The following ASCC1 variants were observed in gnomAD, a reference collection of about 807,000 sequenced individuals.
ASCC1 encodes the protein ASC-1 complex subunit P50.
In ASCC1, 35 loss-of-function variants were observed where a neutral mutation model predicts 46.6. The observed-to-expected ratio is 0.75, with a 90% CI of 0.57 to 0.99. The LOEUF is 0.99. Among genes scored for constraint, ASCC1 ranks in the 50% least tolerant of loss-of-function variants. The pLI is 0.00. For synonymous variants in ASCC1, 143 were observed against 146.6 expected (o/e 0.98, Z 0.18); for missense variants, 376 against 428.7 (o/e 0.88, Z 1.09).
chr10:72,102,512 T>A, intron 9 of ASCC1: 1 of 934,388 alleles, frequency 1.1e-6, no homozygotes. Context: ...GAAATGAACC[T>A]TTTTTGTCTA....
intron 8 of ASCC1, among the ~76,000 whole-genome samples, chr10:72,128,457 T>G (rs1244382280): frequency 6.6e-6 from 1 of 152,242 alleles, no homozygotes; most frequent in Non-Finnish European, 1.5e-5. Context: ...AGGCAAATTA[T>G]GTCTCCATTG....
intron 9 of ASCC1, among the ~76,000 whole-genome samples, chr10:72,120,602 A>C (rs1248598499): frequency 6.6e-6 from 1 of 152,014 alleles, no homozygotes; most frequent in Non-Finnish European, 1.5e-5. Context: ...CAAAAAAAAA[A>C]AAAAAATTGT....
rs1564775445 is a variant in ASCC1 at position 72,213,234 on chromosome 10, T to C, written c.65A>G (p.Gln22Arg). ...TTCTTCATGTTGATAGGTCTGTTCT[T>C]GGACTGGATTCTTCCTGTAATTCCG... ...DGRNYRKNPVQEQTYQHEEDE... is the reference protein window; with the variant it reads ...DGRNYRKNPVREQTYQHEEDE... Residue 22 changes from glutamine (Q) to arginine (R), a missense_variant, in exon 2 of 10, where the codon CAA becomes CGA. Gln to Arg is a conservative substitution (Grantham distance 43). Coordinates refer to ENST00000672957, the MANE Select transcript of ASCC1 (RefSeq NM_001198800.3). 1.2e-6 allele frequency: 2 copies of C among 1,613,938 alleles called. No individual in the cohort carries two copies. Among genetic ancestry groups the C allele is most frequent in the Admixed American group, 1.7e-5 (1 of 59,992 alleles).
chr10:72,158,430 C>G (rs566867721), intron 6 of ASCC1, among the ~76,000 whole-genome samples: 1 of 152,346 alleles, frequency 6.6e-6, no homozygotes, highest in Admixed American at 6.5e-5. Flanking sequence ...ACTCCGTACT[C>G]AGAGCCAGTG....
rs1389361094 is a variant in ASCC1, at chr10:72,161,624, T to C, written c.540A>G (p.Leu180=). 6.2e-7 allele frequency: 1 copy of C among 1,614,142 alleles called. No individual in the cohort carries two copies. Among genetic ancestry groups the C allele is most frequent in the Non-Finnish European group, 8.5e-7 (1 of 1,180,028 alleles). Residue 180 remains leucine (L), a synonymous_variant, in exon 6 of 10, where the codon CTA becomes CTG. Coordinates refer to ENST00000672957, the MANE Select transcript of ASCC1 (RefSeq NM_001198800.3). ...SIFQNPKKLH[L]TIGMLVLLSE... ...TCAAAAGCACCAACATCCCAATAGT[T>C]AGATGAAGCTTTTTAGGATTCTGGA...
chr10:72,133,202 T>C (rs2132298902), intron 7 of ASCC1, 21 bp from the exon 8 acceptor site: 2 of 1,613,546 alleles, frequency 1.2e-6, no homozygotes, highest in Non-Finnish European at 1.7e-6. Context: ...TGGAGAAAAG[T>C]AATGCAGAAA....
chr10:72,135,795 T>C (rs967554058), intron 7 of ASCC1, among the ~76,000 whole-genome samples: 2 of 152,182 alleles, frequency 1.3e-5, no homozygotes, highest in Admixed American at 6.5e-5. Flanking sequence ...TGAGATTCTC[T>C]GGTATAAGGG....
chr10:72,162,711 G>A (rs1265220161), intron 5 of ASCC1, among the ~76,000 whole-genome samples: 1 of 152,084 alleles, frequency 6.6e-6, no homozygotes, highest in Admixed American at 6.6e-5. Context: ...GGGAGGCTGA[G>A]GCGGGTGGAT....
chr10:72,153,502 T>C (rs1412412809), intron 6 of ASCC1, among the ~76,000 whole-genome samples: 2 of 151,906 alleles, frequency 1.3e-5, no homozygotes, highest in Non-Finnish European at 2.9e-5. Context: ...CTCGGCTCAC[T>C]GCAACCTCCA....
intron 4 of ASCC1, among the ~76,000 whole-genome samples, chr10:72,197,906 AAAATAAATAAAT>A (rs201913206): frequency 1.4e-5 from 2 of 139,940 alleles, no homozygotes; most frequent in East Asian, 2.0e-4. Flanking sequence ...ACCCTGTCTC[AAAATAAATAAAT>A]AAATAAATAA....
chr10:72,201,559 G>A (rs7085572), intron 4 of ASCC1, among the ~76,000 whole-genome samples: 20,816 of 151,714 alleles, frequency 0.14, 4,062 homozygotes, highest in African/African-American at 0.43. Context: ...GGTGCTAAGC[G>A]CCTGTAGTCC....
intron 7 of ASCC1, among the ~76,000 whole-genome samples, chr10:72,149,295 A>G (rs190926074): frequency 1.5e-4 from 23 of 152,066 alleles, no homozygotes; most frequent in East Asian, 5.8e-4. Context: ...AAAATTAGCC[A>G]GGCGTGGTGG....
At chr10:72,199,213 T>C (rs1443272798) in intron 4 of ASCC1, among the ~76,000 whole-genome samples, 1 of 151,028 alleles carries the variant, frequency 6.6e-6, no homozygotes, top group Non-Finnish European at 1.5e-5. Flanking sequence ...AACCTCCATC[T>C]CCCAGGTTCA....
intron 5 of ASCC1, among the ~76,000 whole-genome samples, chr10:72,173,154 G>C (rs2132889405): frequency 6.6e-6 from 1 of 151,540 alleles, no homozygotes; most frequent in Middle Eastern, 3.4e-3. Context: ...TACCTTTCTA[G>C]ACCTGGAAAT....
intron 3 of ASCC1, chr10:72,204,320 G>C: frequency 7.4e-7 from 1 of 1,345,678 alleles, no homozygotes; most frequent in Non-Finnish European, 1.0e-6. Context: ...TGGCAACAGC[G>C]AGCTACAGCC....
intron 5 of ASCC1, among the ~76,000 whole-genome samples, chr10:72,191,672 G>C (rs1341886322): frequency 1.3e-5 from 2 of 151,692 alleles, no homozygotes; most frequent in African/African-American, 4.8e-5. Context: ...TTTTGAGATG[G>C]AATTTCACTG....
intron 7 of ASCC1, among the ~76,000 whole-genome samples, chr10:72,137,527 C>CA (rs397956947): frequency 0.52 from 39,398 of 75,522 alleles, 9,013 homozygotes; most frequent in African/African-American, 0.57. Context: ...GACTCCATCT[C>CA]AAAAAAAAAA....
At chr10:72,131,850 G>C (rs1447420564) in intron 8 of ASCC1, among the ~76,000 whole-genome samples, 1 of 151,540 alleles carries the variant, frequency 6.6e-6, no homozygotes, top group Non-Finnish European at 1.5e-5. Flanking sequence ...AGTCCTGATG[G>C]AGTTATCTTC....
At chr10:72,115,137 G>A (rs1843356159) in intron 9 of ASCC1, among the ~76,000 whole-genome samples, 4 of 152,184 alleles carry the variant, frequency 2.6e-5, no homozygotes, top group Admixed American at 2.6e-4. Flanking sequence ...TTTATTATAT[G>A]AAGTACAAGG....
Sources: allele counts gnomAD v4.1 joint callset (sites outside exome capture counted in the v4.1 genomes callset), GRCh38; gene constraint gnomAD v4.1.1; transcripts MANE v1.5; gene names NCBI Gene and HGNC (gene_info 2026-07-23, HGNC 2026-07-21).